SIDT1: variants seen among roughly 807,000 people sequenced by gnomAD.
The protein encoded by SIDT1 is SID1 transmembrane family, member 1.
SIDT1 carries 101 observed loss-of-function variants against 107.5 expected under a neutral mutation model. The ratio of observed to expected loss-of-function variants is 0.94; its 90% confidence interval spans 0.80 to 1.11. The LOEUF (loss-of-function observed/expected upper bound fraction) is 1.11. Among genes scored for constraint, SIDT1 ranks in the 50% least tolerant of loss-of-function variants. The pLI is 0.00. For synonymous variants in SIDT1, 395 were observed against 398.2 expected (o/e 0.99, Z 0.10); for missense variants, 1,076 against 1,058.2 (o/e 1.02, Z -0.23).
chr3:113,630,007 G>A (rs541473819), downstream of SIDT1, among the ~76,000 whole-genome samples: 41 of 152,200 alleles, frequency 2.7e-4, no homozygotes, highest in Non-Finnish European at 5.1e-4. Flanking sequence ...TTTACACAAG[G>A]GCTGGGGCAG....
chr3:113,581,679 C>T (rs747151730), intron 6 of SIDT1: 4 of 459,598 alleles, frequency 8.7e-6, no homozygotes, highest in African/African-American at 2.0e-5. Context: ...TTGAGACCAG[C>T]CTGGCCAATA....
At chr3:113,604,111 AC>A in intron 13 of SIDT1, 78 bp downstream of exon 13, 2 of 1,039,184 alleles carry the variant, frequency 1.9e-6, no homozygotes, top group Middle Eastern at 5.0e-4. Context: ...CCACTTAGGC[AC>A]AAGGTTTTAG....
At position 113,608,432 on chromosome 3, in the gene SIDT1, C is replaced by T. The variant is rs201744130; in HGVS notation, c.1616C>T (p.Pro539Leu). 30 of 1,613,212 alleles carry T rather than the reference C, an allele frequency of 1.9e-5. No homozygotes were observed. The highest frequency in any genetic ancestry group is 2.5e-5 in the Non-Finnish European group (30 of 1,179,288). ...CTCCTTTTTCAGGAGTACGGGATTC[C>T]CAAACACTTTGGTCTCTTCTACGCT... is the stretch of plus-strand genomic sequence containing the variant. ...KDIFAVEYGIPKHFGLFYAMG... is the reference protein window; with the variant it reads ...KDIFAVEYGILKHFGLFYAMG... Residue 539 changes from proline (P) to leucine (L), a missense_variant, in exon 17 of 25, where the codon CCC (proline) becomes CTC (leucine). By Grantham distance (98) the Pro-to-Leu change is moderately conservative. Transcript: ENST00000264852.
intron 19 of SIDT1, chr3:113,614,968 G>GA: frequency 2.2e-6 from 3 of 1,349,996 alleles, no homozygotes; most frequent in East Asian, 2.5e-5. Flanking sequence ...TCCATCTTGA[G>GA]AAAAAATAAA....
chr3:113,576,647 T>TA (rs1275162948), intron 3 of SIDT1, among the ~76,000 whole-genome samples: 1 of 152,022 alleles, frequency 6.6e-6, no homozygotes, highest in Non-Finnish European at 1.5e-5. Flanking sequence ...CAAAAGTAAA[T>TA]AAACTACCTT....
intron 21 of SIDT1, 24 bp from the exon 22 acceptor site, chr3:113,623,403 C>T (rs1946612196): frequency 4.6e-6 from 7 of 1,517,712 alleles, no homozygotes; most frequent in Non-Finnish European, 6.4e-6. Flanking sequence ...TTCACGGCTG[C>T]CCACATTTCT....
chr3:113,575,639 C>T (rs1269826285), intron 3 of SIDT1, among the ~76,000 whole-genome samples: 1 of 152,180 alleles, frequency 6.6e-6, no homozygotes, highest in African/African-American at 2.4e-5. Context: ...AAATTCTGAG[C>T]CCAGCCTGAT....
At chr3:113,579,414 T>C (rs1049439901) in intron 4 of SIDT1, among the ~76,000 whole-genome samples, 1 of 152,188 alleles carries the variant, frequency 6.6e-6, no homozygotes, top group African/African-American at 2.4e-5. Context: ...ATGGGTTTCC[T>C]GGGAAACAAG....
chr3:113,600,201 T>G (rs887168446), intron 10 of SIDT1, among the ~76,000 whole-genome samples: 4 of 151,854 alleles, frequency 2.6e-5, no homozygotes, highest in African/African-American at 9.7e-5. Flanking sequence ...TCCCAGCTAC[T>G]CAGGAGGCCG....
chr3:113,539,846 T>G (rs1426169324), intron 1 of SIDT1, among the ~76,000 whole-genome samples: 1 of 151,850 alleles, frequency 6.6e-6, no homozygotes, highest in Non-Finnish European at 1.5e-5. Context: ...CTACTAAAAA[T>G]ACAAAAAAGT....
At chr3:113,603,493 A>C (rs1267141252) in intron 12 of SIDT1, among the ~76,000 whole-genome samples, 1 of 152,210 alleles carries the variant, frequency 6.6e-6, no homozygotes, top group Non-Finnish European at 1.5e-5. Flanking sequence ...GGTTCTGTGC[A>C]TATCATCTTT....
At chr3:113,626,027 G>T in intron 23 of SIDT1, 75 bp from the exon 24 acceptor site, 1 of 1,024,022 alleles carries the variant, frequency 9.8e-7, no homozygotes, top group Non-Finnish European at 1.5e-6. Flanking sequence ...CGTTTTTGTG[G>T]CTTTCTGGAC....
intron 21 of SIDT1, among the ~76,000 whole-genome samples, chr3:113,620,192 A>ATGTG (rs3085042): frequency 0.1 from 15,105 of 144,522 alleles, 842 homozygotes; most frequent in Non-Finnish European, 0.14. Context: ...CTTTTACTAA[A>ATGTG]TGTGTGTGTG....
chr3:113,613,640 C>T (rs867011762), intron 19 of SIDT1, among the ~76,000 whole-genome samples: 11 of 152,330 alleles, frequency 7.2e-5, no homozygotes, highest in Admixed American at 3.3e-4. Flanking sequence ...CATGATCCTC[C>T]ACCAGACAGA....
intron 6 of SIDT1, among the ~76,000 whole-genome samples, chr3:113,582,393 A>G (rs1252269669): frequency 6.6e-6 from 1 of 152,144 alleles, no homozygotes; most frequent in Non-Finnish European, 1.5e-5. Flanking sequence ...TAGGTATGAG[A>G]CCTAAAATTT....
intron 20 of SIDT1, among the ~76,000 whole-genome samples, chr3:113,616,500 C>T (rs947696556): frequency 5.3e-5 from 8 of 151,618 alleles, no homozygotes; most frequent in African/African-American, 1.5e-4. Flanking sequence ...GAGGGTGGGG[C>T]GAGGGGATAG....
At position 113,593,093 on chromosome 3, in the gene SIDT1, G is replaced by A. The variant is rs1428023614; in HGVS notation, c.1045+45G>A. 8.1e-6 allele frequency: 12 copies of A among 1,480,990 alleles called. No individual in the cohort carries two copies. In the African/African-American group the frequency reaches 8.3e-5, roughly 10 times the overall value. The allele number at this position is 1,480,990 out of a possible 1,614,324, so 91.7% of individuals were successfully genotyped here. A position where few individuals can be genotyped will look rare whatever the true frequency, so the allele number is the denominator to read the frequency against. ...TCAATTCAAAATGGTGTCGCATAGT[G>A]TGGCAACATCCCATTTCATGCTTCT... On this transcript the variant is annotated intron_variant, in intron 10 of 24. Transcript: ENST00000264852.
rs148897278 is a variant in SIDT1, at chr3:113,607,217, G to A, written c.1478+103G>A. 325 of 746,460 alleles carry A rather than the reference G, an allele frequency of 4.4e-4. No homozygotes were observed. In the African/African-American group the frequency reaches 5.2e-3, roughly 12 times the overall value. The allele number at this position is 746,460 out of a possible 1,614,324, so 46.2% of individuals were successfully genotyped here. On this transcript the variant is annotated intron_variant, in intron 15 of 24. Coordinates refer to ENST00000264852, the MANE Select transcript of SIDT1 (RefSeq NM_017699.3). ...AATACTAAAAACAACTGTGGAAAACGACCCTATTCAAGGGTAAAAAGGAAC... is the reference window on the plus strand; with the variant it reads ...AATACTAAAAACAACTGTGGAAAACAACCCTATTCAAGGGTAAAAAGGAAC...
intron 1 of SIDT1, among the ~76,000 whole-genome samples, chr3:113,543,660 A>G (rs1560010648): frequency 1.3e-5 from 2 of 152,204 alleles, no homozygotes; most frequent in South Asian, 2.1e-4. Context: ...TAAAAAATCT[A>G]TGCTGCTATT....
Sources: gnomAD v4.1 joint callset for allele counts (sites outside exome capture counted in the v4.1 genomes callset) on GRCh38, gnomAD v4.1.1 for gene constraint, MANE v1.5 for transcripts, NCBI Gene and HGNC (gene_info 2026-07-23, HGNC 2026-07-21) for gene names.